COL4A5: variants seen among roughly 807,000 people sequenced by gnomAD.
COL4A5 encodes the protein collagen alpha-5(IV) chain.
COL4A5 carries 26 observed loss-of-function variants against 130.2 expected under a neutral mutation model. That is an observed-to-expected ratio of 0.20 (90% confidence interval 0.15 to 0.28). COL4A5 has a LOEUF of 0.28. Ranked by LOEUF, COL4A5 falls within the 10% of genes least tolerant of loss-of-function variation. The pLI is 1.00. For missense variants in COL4A5, 1,131 were observed against 1,344.3 expected (o/e 0.84, Z 2.48); for synonymous variants, 496 against 439.6 (o/e 1.13, Z -1.60).
At chrX:108,606,477 T>C (rs1028772172) in intron 28 of COL4A5, among the ~76,000 whole-genome samples, 1 of 110,766 alleles carries the variant, frequency 9.0e-6, no homozygotes, top group Non-Finnish European at 1.9e-5. Context: ...GGTAGTCTGT[T>C]CTTTAATCTC....
At position 108,465,596 on chromosome X, in the gene COL4A5, T is replaced by G. The variant is rs1434459338; in HGVS notation, c.81+25390T>G. 6.2e-5 allele frequency among the ~76,000 whole-genome samples: 7 copies of G among 112,485 alleles called. No individual in the cohort carries two copies. In the East Asian group the frequency reaches 1.4e-3, roughly 22 times the overall value. On this transcript the variant is annotated intron_variant, in intron 1 of 52. Transcript: ENST00000328300. ...ATTTTAATTAGCAGAATTCAAAAAT[T>G]TTATGAAGCGCAGCTTATCATTTTT...
chrX:108,525,172 G>A (rs182211215), intron 1 of COL4A5, among the ~76,000 whole-genome samples: 7 of 111,741 alleles, frequency 6.3e-5, no homozygotes, highest in Admixed American at 1.9e-4. Context: ...TTGGTGTTCT[G>A]TTGTTAGATG....
At chrX:108,576,002 C>T (rs376317458) in intron 10 of COL4A5, 30 bp downstream of exon 10, 11 of 976,218 alleles carry the variant, frequency 1.1e-5, no homozygotes, top group Non-Finnish European at 1.6e-5. Flanking sequence ...TTAATTTCCC[C>T]CCCTTTCCTT....
chrX:108,546,321 C>G lies in COL4A5; in HGVS notation c.141+6516C>G, dbSNP rs754890956. ...CAGGCCTGGTGGTGACAAAATCTCT[C>G]AGCATTTGCTTGTCTGTAAAGGATT... is the stretch of plus-strand genomic sequence containing the variant. On this transcript the variant is annotated intron_variant, in intron 2 of 52. Coordinates refer to ENST00000328300, the MANE Select transcript of COL4A5 (RefSeq NM_033380.3). Among the ~76,000 whole-genome samples, 21 of 111,790 alleles carry G rather than the reference C, an allele frequency of 1.9e-4. No individual in the cohort carries two copies. The East Asian group carries it at 5.9e-3, about 31-fold the overall frequency.
At chrX:108,547,597 C>A (rs1017263178) in intron 2 of COL4A5, among the ~76,000 whole-genome samples, 8 of 112,081 alleles carry the variant, frequency 7.1e-5, no homozygotes, top group Non-Finnish European at 1.3e-4. Flanking sequence ...TCTCAGATCT[C>A]AAGCTCCATG....
At chrX:108,442,215 T>TTG (rs2064409511) in intron 1 of COL4A5, among the ~76,000 whole-genome samples, 1 of 111,826 alleles carries the variant, frequency 8.9e-6, no homozygotes, top group South Asian at 3.7e-4. Flanking sequence ...GGGCTAGTCT[T>TTG]TGACTGGAGT....
At chrX:108,512,954 C>T (rs2065192242) in intron 1 of COL4A5, among the ~76,000 whole-genome samples, 1 of 111,047 alleles carries the variant, frequency 9.0e-6, no homozygotes. Context: ...CCATAGAAGA[C>T]GGCCACACCC....
rs749368555 is a variant in COL4A5 at position 108,602,952 on chromosome X, A to G, written c.2147-12A>G. On this transcript the variant is annotated splice_polypyrimidine_tract_variant and intron_variant, in intron 27 of 52. Coordinates refer to ENST00000328300, the MANE Select transcript of COL4A5 (RefSeq NM_033380.3). ...TCCTTTGGTGGTTAAAAAATGACTT[A>G]TCATTTTACAGGCTTTCCTGGAATT... is the stretch of plus-strand genomic sequence containing the variant. The G allele has an allele frequency of 2.1e-4, 239 of 1,126,700 alleles. 2 individuals carry two copies. In the South Asian group the frequency reaches 4.3e-3, roughly 20 times the overall value. The allele number at this position is 1,126,700 out of a possible 1,213,427, so 92.9% of individuals were successfully genotyped here. A position where few individuals can be genotyped will look rare whatever the true frequency, so the allele number is the denominator to read the frequency against.
At chrX:108,575,816 G>A (rs912546165) in intron 9 of COL4A5, 94 bp from the exon 10 acceptor site, 8 of 618,040 alleles carry the variant, frequency 1.3e-5, no homozygotes, top group South Asian at 1.2e-4. Flanking sequence ...CAGCCTGGGC[G>A]ACACAAGTGA....
intron 1 of COL4A5, among the ~76,000 whole-genome samples, chrX:108,482,253 C>A (rs1259612053): frequency 1.8e-5 from 2 of 111,373 alleles, no homozygotes; most frequent in Non-Finnish European, 3.8e-5. Context: ...TAGTGCACCT[C>A]CTCATGGGTC....
chrX:108,647,564 A>G (rs145105182), intron 36 of COL4A5, among the ~76,000 whole-genome samples: 11,552 of 110,731 alleles, frequency 0.1, 1,300 homozygotes, highest in African/African-American at 0.34. Context: ...CTAATTGAAT[A>G]CCCTTTATTT....
chrX:108,573,768 T>G, intron 9 of COL4A5, 114 bp downstream of exon 9: 1 of 540,097 alleles, frequency 1.9e-6, no homozygotes, highest in Non-Finnish European at 3.3e-6. Context: ...ATCAGATGTT[T>G]ACTAGACATT....
intron 1 of COL4A5, among the ~76,000 whole-genome samples, chrX:108,466,840 C>G (rs1424938538): frequency 9.0e-6 from 1 of 110,754 alleles, no homozygotes; most frequent in Admixed American, 9.6e-5. Context: ...CTCTGCCTCC[C>G]AAGCAGCTGG....
At chrX:108,565,963 C>T (rs949760479) in intron 4 of COL4A5, among the ~76,000 whole-genome samples, 4 of 107,549 alleles carry the variant, frequency 3.7e-5, no homozygotes, top group African/African-American at 1.4e-4. Flanking sequence ...CATTATGCAG[C>T]ATGAATATCA....
At chrX:108,576,222 T>G (rs746196310) in intron 10 of COL4A5, among the ~76,000 whole-genome samples, 1 of 112,183 alleles carries the variant, frequency 8.9e-6, no homozygotes, top group African/African-American at 3.2e-5. Flanking sequence ...TGTTGGTTGC[T>G]CTTGATGTAT....
At chrX:108,689,932 T>C (rs1321979743) in intron 49 of COL4A5, 4 of 753,070 alleles carry the variant, frequency 5.3e-6, no homozygotes, top group African/African-American at 2.3e-5. Context: ...GAATTCTGCA[T>C]CATTGTGGGC....
intron 2 of COL4A5, among the ~76,000 whole-genome samples, chrX:108,553,797 A>C (rs991396448): frequency 4.5e-5 from 5 of 111,921 alleles, no homozygotes; most frequent in African/African-American, 6.5e-5. Flanking sequence ...CTTTATTTGT[A>C]ATAGCCAGAA....
rs2147755069 is a variant in COL4A5 at position 108,571,824 on chromosome X, T to A, written c.452T>A (p.Ile151Asn). 2 of 1,191,260 alleles carry A rather than the reference T, an allele frequency of 1.7e-6. No individual in the cohort carries two copies. The highest frequency in any genetic ancestry group is 5.9e-5 in the East Asian group (2 of 33,746). ...TTTTAATAATAGGGACCCCCTGGGA[T>A]CCCAGGTATGAAGGTAAGCATCTCA... ...GLQGPPGPPG[I>N]PGMKGEPGSI... is the part of the protein sequence containing the mutation. Residue 151 changes from isoleucine to asparagine, a missense_variant, in exon 8 of 53, where the codon ATC becomes AAC. By Grantham distance (149) the Ile-to-Asn change is moderately radical. Transcript: ENST00000328300.
chrX:108,666,011 C>G (rs759174023), intron 38 of COL4A5, among the ~76,000 whole-genome samples: 1 of 108,736 alleles, frequency 9.2e-6, no homozygotes, highest in Non-Finnish European at 1.9e-5. Context: ...AAGATCGTGC[C>G]ACTGCACTCC....
Sources: allele counts gnomAD v4.1 joint callset (sites outside exome capture counted in the v4.1 genomes callset), GRCh38; gene constraint gnomAD v4.1.1; transcripts MANE v1.5; gene names NCBI Gene and HGNC (gene_info 2026-07-23, HGNC 2026-07-21).